Variants in KATNAL2 observed in about 807,000 individuals in gnomAD.
KATNAL2 encodes the protein katanin catalytic subunit A1 like 2, also known as katanin p60 ATPase-containing subunit A-like 2.
Under a neutral mutation model 76.3 loss-of-function variants are expected in KATNAL2, and 52 were observed. The observed-to-expected ratio is 0.68, with a 90% CI of 0.55 to 0.86. The LOEUF is 0.86. KATNAL2 is among the 40% of genes least tolerant of loss of function. The probability of loss-of-function intolerance (pLI) is 0.00; values close to 1 mark genes in which losing one functional copy is unlikely to be tolerated. For synonymous variants in KATNAL2, 243 were observed against 244.2 expected (o/e 1.00, Z 0.05); for missense variants, 660 against 668.9 (o/e 0.99, Z 0.15).
chr18:47,034,882 T>A lies in KATNAL2; in HGVS notation c.52-11575T>A, dbSNP rs753756721. 1.9e-6 allele frequency: 3 copies of A among 1,612,012 alleles called. No homozygotes were observed. In the East Asian group the frequency reaches 6.7e-5, roughly 36 times the overall value. On this transcript the variant is annotated intron_variant, in intron 3 of 17. Coordinates refer to ENST00000683218, the MANE Select transcript of KATNAL2 (RefSeq NM_001387690.1). ...AGGTGTTCTGCGTGCTGTCCGTCTG[T>A]GCTCAGGGCTGTGAGATGGGCTCCT...
In KATNAL2 at chr18:46,946,127, C is replaced by T. The variant is rs1041310244; in HGVS notation, c.-439C>T. The T allele has an allele frequency of 8.3e-6, 6 of 723,470 alleles. No homozygotes were observed. The Admixed American group carries it at 1.9e-4, about 23-fold the overall frequency. The allele number at this position is 723,470 out of a possible 1,614,324, so 44.8% of individuals were successfully genotyped here. ...TGAAGAAGAAATGGATGAAGAAGAC[C>T]GAAGATAATGATGAAGGGATAATTT... On this transcript the variant is annotated 5_prime_UTR_variant, in exon 2 of 18. An upstream open reading frame in the 5' UTR gains an earlier in-frame stop. Coordinates refer to ENST00000683218, the MANE Select transcript of KATNAL2 (RefSeq NM_001387690.1).
chr18:46,935,623 A>G (rs759393609), intron 1 of KATNAL2, among the ~76,000 whole-genome samples: 4 of 151,846 alleles, frequency 2.6e-5, no homozygotes, highest in Admixed American at 6.6e-5. Flanking sequence ...ACATTGAAAA[A>G]GAAAAAAAAA....
intron 3 of KATNAL2, chr18:47,034,397 T>G (rs751335224): frequency 9.3e-6 from 15 of 1,613,942 alleles, no homozygotes; most frequent in Non-Finnish European, 8.5e-6. Context: ...CGCTGGCCGC[T>G]GCCAGCTTGC....
intron 10 of KATNAL2, among the ~76,000 whole-genome samples, chr18:47,066,786 T>C (rs984689221): frequency 2.8e-4 from 41 of 144,106 alleles, no homozygotes; most frequent in Non-Finnish European, 4.8e-4. Flanking sequence ...GGGAAAATCA[T>C]TGAATATTTT....
intron 1 of KATNAL2, among the ~76,000 whole-genome samples, chr18:46,922,419 T>G (rs2058595493): frequency 6.6e-6 from 1 of 151,964 alleles, no homozygotes; most frequent in South Asian, 2.1e-4. Context: ...TCTGAAAACC[T>G]TAATCACAAA....
At chr18:47,041,235 G>A (rs1370272483) in intron 3 of KATNAL2, among the ~76,000 whole-genome samples, 1 of 152,114 alleles carries the variant, frequency 6.6e-6, no homozygotes, top group Non-Finnish European at 1.5e-5. Flanking sequence ...TTTACATGAG[G>A]GTTCATGCTT....
chr18:46,943,744 A>G (rs1369396462), intron 1 of KATNAL2, among the ~76,000 whole-genome samples: 1 of 152,226 alleles, frequency 6.6e-6, no homozygotes, highest in African/African-American at 2.4e-5. Context: ...TTCCTTGTGC[A>G]AGATTTAAGA....
At chr18:47,060,142 A>T (rs1019792535) in intron 8 of KATNAL2, among the ~76,000 whole-genome samples, 8 of 152,064 alleles carry the variant, frequency 5.3e-5, no homozygotes, top group African/African-American at 1.9e-4. Flanking sequence ...GACTACAGGC[A>T]TGCACCACAA....
rs1273662294 is a variant in KATNAL2 at position 47,046,545 on chromosome 18, C to G, written c.122+18C>G. The stretch of plus-strand genomic sequence containing the variant: ...CAAGAAGGGTATGTTACAGTACAAA[C>G]ATTTATAGAGATGATTCCTCTTTCT... On this transcript the variant is annotated intron_variant, in intron 4 of 17. Transcript: ENST00000683218. The G allele has an allele frequency of 2.5e-5, 36 of 1,468,124 alleles. No individual in the cohort carries two copies. The highest frequency in any genetic ancestry group is 3.2e-5 in the Non-Finnish European group (35 of 1,085,182). 90.9% of individuals were successfully genotyped at this position (1,468,124 alleles called of 1,614,324 possible).
chr18:47,031,639 C>A (rs868431193), intron 3 of KATNAL2, among the ~76,000 whole-genome samples: 31 of 152,128 alleles, frequency 2.0e-4, no homozygotes, highest in African/African-American at 5.8e-4. Context: ...TTCTTCAGAG[C>A]TAGAATGAGG....
Position 46,946,317 on chromosome 18 carries a change from G to T in KATNAL2, c.-249G>T. On this transcript the variant is annotated 5_prime_UTR_variant, in exon 2 of 18. It removes the in-frame stop codon of an upstream open reading frame in the 5' UTR. Transcript: ENST00000683218. The stretch of plus-strand genomic sequence containing the variant: ...ATTGGAGGAGAAGGGGAAGTTTGGT[G>T]ATGCACAGTTTGCATCCCAGAAGGC... The T allele has an allele frequency of 3.8e-6, 4 of 1,041,452 alleles. No homozygotes were observed. The highest frequency in any genetic ancestry group is 4.6e-6 in the Non-Finnish European group (4 of 861,114). The allele number at this position is 1,041,452 out of a possible 1,614,324, so 64.5% of individuals were successfully genotyped here. A position where few individuals can be genotyped will look rare whatever the true frequency, so the allele number is the denominator to read the frequency against.
intron 7 of KATNAL2, 96 bp downstream of exon 7, chr18:47,058,448 G>A (rs1031236680): frequency 4.2e-6 from 3 of 720,652 alleles, no homozygotes; most frequent in South Asian, 3.8e-5. Context: ...GAGGACCTAC[G>A]CTTTTAAAAT....
rs774122853 is a variant in KATNAL2 at position 47,053,051 on chromosome 18, A to C, written c.289+5A>C. The C allele has an allele frequency of 1.9e-6, 3 of 1,582,006 alleles. No individual in the cohort carries two copies. Among genetic ancestry groups the C allele is most frequent in the African/African-American group, 1.4e-5 (1 of 73,648 alleles). ...TCAAAAAGTCATCAGACACAGGTAC[A>C]TGCCTATTTTCTAGAGATAAGGCTT... On this transcript the variant is annotated splice_donor_5th_base_variant and intron_variant, in intron 5 of 17. Coordinates refer to ENST00000683218, the MANE Select transcript of KATNAL2 (RefSeq NM_001387690.1).
intron 3 of KATNAL2, chr18:47,034,558 G>A (rs146895478): frequency 2.5e-5 from 41 of 1,614,118 alleles, no homozygotes; most frequent in Non-Finnish European, 3.2e-5. Flanking sequence ...GGCACACAAG[G>A]GGCGTTTTTC....
At chr18:47,062,828 A>T in intron 8 of KATNAL2, 144 bp from the exon 9 acceptor site, 1 of 553,544 alleles carries the variant, frequency 1.8e-6, no homozygotes, top group Non-Finnish European at 3.2e-6. Flanking sequence ...GTTTAATACT[A>T]GTGCTGGTTC....
chr18:47,083,824 G>C lies in KATNAL2; in HGVS notation c.1211+6363G>C, dbSNP rs73954223. 2.2e-3 allele frequency among the ~76,000 whole-genome samples: 330 copies of C among 152,312 alleles called. 2 individuals carry two copies. The highest frequency in any genetic ancestry group is 7.6e-3 in the African/African-American group (315 of 41,578). ...GGGTCAGGAAACAAAATACTGAACAGGCCCATTAAGGCAAATGTCATCTTT... is the reference window on the plus strand; with the variant it reads ...GGGTCAGGAAACAAAATACTGAACACGCCCATTAAGGCAAATGTCATCTTT... On this transcript the variant is annotated intron_variant, in intron 15 of 17. Coordinates refer to ENST00000683218, the MANE Select transcript of KATNAL2 (RefSeq NM_001387690.1).
intron 1 of KATNAL2, among the ~76,000 whole-genome samples, chr18:46,943,375 G>C (rs1335812495): frequency 6.6e-6 from 1 of 152,186 alleles, no homozygotes; most frequent in Non-Finnish European, 1.5e-5. Flanking sequence ...CACAGGATGA[G>C]ATAGGAGGTC....
chr18:47,043,245 A>AAGAAAAAAAAAAAAAAAAAAAT (rs376877321), intron 3 of KATNAL2, among the ~76,000 whole-genome samples: 1 of 93,176 alleles, frequency 1.1e-5, no homozygotes. Flanking sequence ...AAAAAAAAAA[A>AAGAAAAAAAAAAAAAAAAAAAT]GAGATCCTAA....
At chr18:46,957,579 T>C (rs867522935) in intron 3 of KATNAL2, among the ~76,000 whole-genome samples, 362 of 82,802 alleles carry the variant, frequency 4.4e-3, no homozygotes, top group South Asian at 9.7e-3. Flanking sequence ...TTTTTTTTTT[T>C]GAGACAGAGT....
Sources: allele counts gnomAD v4.1 joint callset (sites outside exome capture counted in the v4.1 genomes callset), GRCh38; gene constraint gnomAD v4.1.1; transcripts MANE v1.5; gene names NCBI Gene and HGNC (gene_info 2026-07-23, HGNC 2026-07-21).